STXBP2: variants seen among roughly 807,000 people sequenced by gnomAD.
The protein encoded by STXBP2 is syntaxin binding protein 2.
STXBP2 carries 47 observed loss-of-function variants against 72.2 expected under a neutral mutation model. The observed-to-expected ratio is 0.65, with a 90% CI of 0.51 to 0.83. The LOEUF (loss-of-function observed/expected upper bound fraction) is 0.83, where lower values mean the gene tolerates loss of function less well. Ranked by LOEUF, STXBP2 falls within the 40% of genes least tolerant of loss-of-function variation. The probability of loss-of-function intolerance (pLI) is 0.00; values close to 1 mark genes in which losing one functional copy is unlikely to be tolerated. For missense variants in STXBP2, 702 were observed against 807.6 expected (o/e 0.87, Z 1.58); for synonymous variants, 367 against 338.7 (o/e 1.08, Z -0.92).
intron 4 of STXBP2, 195 bp from the exon 5 acceptor site, chr19:7,640,532 ATGTG>A (rs551642837): frequency 1.0e-4 from 72 of 693,854 alleles, no homozygotes; most frequent in East Asian, 2.5e-4. Context: ...ATGCGTGTGT[ATGTG>A]TGTGTGCGTG....
intron 6 of STXBP2, among the ~76,000 whole-genome samples, chr19:7,641,486 G>A (rs1049343773): frequency 5.3e-5 from 8 of 152,182 alleles, no homozygotes; most frequent in African/African-American, 1.7e-4. Flanking sequence ...AGCGCACCGC[G>A]GGGTTGTCCA....
upstream of STXBP2, chr19:7,632,104 G>A: frequency 1.8e-6 from 1 of 565,412 alleles, no homozygotes; most frequent in East Asian, 2.9e-5. This position sits in a 1 kb window ranked among gnomAD's most constrained non-coding sequence, Gnocchi z 5.2. Context: ...TTCCTCCCTG[G>A]GATACTTTCC....
In STXBP2 at chr19:7,646,358, G is replaced by C; in HGVS notation, c.1452+14G>C. 1 of 1,592,026 alleles carries C rather than the reference G, an allele frequency of 6.3e-7. No homozygotes were observed. Reference sequence around the variant, plus strand: ...GATGTAATGGAGGTACTGGGTGGCAGGTCAGGGTGGGGGCCAGCCCTCCGC... The same window carrying C: ...GATGTAATGGAGGTACTGGGTGGCACGTCAGGGTGGGGGCCAGCCCTCCGC... On this transcript the variant is annotated intron_variant, in intron 16 of 18. Transcript: ENST00000221283.
In STXBP2 at chr19:7,647,578, C is replaced by T; in HGVS notation, c.1696+67C>T. 2.5e-6 allele frequency: 4 copies of T among 1,581,566 alleles called. No homozygotes were observed. In the South Asian group the frequency reaches 3.4e-5, roughly 14 times the overall value. On this transcript the variant is annotated intron_variant, in intron 18 of 18. Coordinates refer to ENST00000221283, the MANE Select transcript of STXBP2 (RefSeq NM_006949.4). ...TTCCCGGGGCCTGGGCTTGTACCTT[C>T]TAGGTGTCTGGACTCCAGAGTCCTT...
Position 7,639,082 on chromosome 19 carries a change from C to T in STXBP2, c.151C>T (p.Leu51=). The change falls in exon 3 of 19, where the codon CTG becomes TTG. Residue 51 remains leucine (L), a synonymous_variant. Coordinates refer to ENST00000221283, the MANE Select transcript of STXBP2 (RefSeq NM_006949.4). ...LSSCCKMSDI[L]AEGITIVEDI... is the part of the protein sequence containing the mutation. ...TTCCTGCTGCAAAATGTCAGATATC[C>T]TGGCTGAGGGCATCACCAGTGAGTG... is the stretch of plus-strand genomic sequence containing the variant. 6.2e-7 allele frequency: 1 copy of T among 1,614,228 alleles called. No individual in the cohort carries two copies. Among genetic ancestry groups the T allele is most frequent in the Non-Finnish European group, 8.5e-7 (1 of 1,180,038 alleles).
chr19:7,644,571 C>G (rs200141357), intron 13 of STXBP2, 43 bp from the exon 14 acceptor site: 23 of 1,606,122 alleles, frequency 1.4e-5, no homozygotes, highest in Non-Finnish European at 2.0e-5. Context: ...ATCCCCTTCC[C>G]TGACACATAG....
intron 4 of STXBP2, 67 bp downstream of exon 4, chr19:7,639,874 CTGCA>C (rs1568464089): frequency 6.6e-6 from 10 of 1,504,022 alleles, no homozygotes; most frequent in Middle Eastern, 1.9e-4. Context: ...GTGTGTATGT[CTGCA>C]TGCATGTGAT....
In STXBP2 at chr19:7,647,496, T is replaced by C. The variant is rs202167383; in HGVS notation, c.1681T>C (p.Trp561Arg). 1.8e-5 allele frequency: 29 copies of C among 1,600,828 alleles called. No individual in the cohort carries two copies. In the South Asian group the frequency reaches 3.1e-4, roughly 17 times the overall value. Residue 561 changes from tryptophan (W) to arginine (R), a missense_variant, in exon 18 of 19, where the codon TGG becomes CGG. By Grantham distance (101) the Trp-to-Arg change is moderately radical. Coordinates refer to ENST00000221283, the MANE Select transcript of STXBP2 (RefSeq NM_006949.4). ...GGTGACCAGGGCCACCGAGGGCAAG[T>C]GGGAGGTGCTCATTGGTAAGTCACC... ...YEVTRATEGKWEVLIGSSHIL... is the reference protein window; with the variant it reads ...YEVTRATEGKREVLIGSSHIL...
upstream of STXBP2, chr19:7,632,682 G>A (rs1220380162): frequency 1.3e-5 from 20 of 1,547,856 alleles, no homozygotes; most frequent in Middle Eastern, 1.7e-4. This position sits in a 1 kb window ranked among gnomAD's most constrained non-coding sequence, Gnocchi z 5.2. Flanking sequence ...CCCCGTTCAC[G>A]CCCCATGGAC....
At chr19:7,645,934 C>A in intron 15 of STXBP2, 1 of 479,406 alleles carries the variant, frequency 2.1e-6, no homozygotes, top group Non-Finnish European at 3.8e-6. Context: ...CTCTCTGTTT[C>A]CTGCTTCATC....
upstream of STXBP2, chr19:7,633,529 C>T (rs2031424275): frequency 2.7e-6 from 4 of 1,475,010 alleles, no homozygotes; most frequent in Admixed American, 6.0e-5. Flanking sequence ...TTTTAAACGT[C>T]CAGGACGTGG....
chr19:7,632,557 G>C (rs1465462660), upstream of STXBP2: 1 of 1,607,314 alleles, frequency 6.2e-7, no homozygotes. This position sits in a 1 kb window ranked among gnomAD's most constrained non-coding sequence, Gnocchi z 5.2. Context: ...CACAGCCGGA[G>C]TGGGGGCCCC....
chr19:7,637,112 G>GACAC lies in STXBP2; in HGVS notation c.-35_-32dup. 1 of 1,234,482 alleles carries GACAC rather than the reference G, an allele frequency of 8.1e-7. No homozygotes were observed. The allele number at this position is 1,234,482 out of a possible 1,614,324, so 76.5% of individuals were successfully genotyped here. ...GCGCGGGGCCACGCCCCCACCTTGG[G>GACAC]ACACACCCGGAAGCGGCGGCGGCGC... is the stretch of plus-strand genomic sequence containing the variant. On this transcript the variant is annotated 5_prime_UTR_variant, in exon 1 of 19. Coordinates refer to ENST00000221283, the MANE Select transcript of STXBP2 (RefSeq NM_006949.4).
At chr19:7,630,555 C>T in the STXBP2 span, 14 of 1,529,570 alleles carry the variant, frequency 9.2e-6, no homozygotes, top group South Asian at 7.2e-5. Flanking sequence ...TCACCTCACC[C>T]ACCCTCTGCC....
In STXBP2 at chr19:7,640,982, C is replaced by T. The variant is rs751879629; in HGVS notation, c.408C>T (p.Ala136=). ...VVKTLKEIHL[A]FLPYEAQVFS... is the part of the protein sequence containing the mutation. Reference sequence around the variant, plus strand: ...AGACGTTGAAGGAGATTCACCTTGCCTTCCTCCCCTACGAGGCCCAGGTAC... The same window carrying T: ...AGACGTTGAAGGAGATTCACCTTGCTTTCCTCCCCTACGAGGCCCAGGTAC... The change falls in exon 6 of 19, where the codon GCC becomes GCT. Residue 136 remains alanine, a synonymous_variant. Transcript: ENST00000221283. The T allele has an allele frequency of 2.5e-6, 4 of 1,614,068 alleles. No individual in the cohort carries two copies. The highest frequency in any genetic ancestry group is 3.4e-6 in the Non-Finnish European group (4 of 1,180,026).
At chr19:7,637,010 G>T (rs372154488), upstream of STXBP2, 208 of 983,502 alleles carry the variant, frequency 2.1e-4, no homozygotes, top group East Asian at 4.9e-3. Context: ...GGGCCTGGGC[G>T]AGAACCGACG....
intron 6 of STXBP2, 83 bp from the exon 7 acceptor site, chr19:7,641,622 A>C (rs2031878873): frequency 1.3e-6 from 2 of 1,535,324 alleles, no homozygotes; most frequent in East Asian, 4.9e-5. Context: ...GGCTCCCAGG[A>C]GGTGCAGGTG....
chr19:7,642,373 C>T lies in STXBP2; in HGVS notation c.794+40C>T. 1 of 1,613,128 alleles carries T rather than the reference C, an allele frequency of 6.2e-7. No homozygotes were observed. The highest frequency in any genetic ancestry group is 8.5e-7 in the Non-Finnish European group (1 of 1,179,106). On this transcript the variant is annotated intron_variant, in intron 9 of 18. Coordinates refer to ENST00000221283, the MANE Select transcript of STXBP2 (RefSeq NM_006949.4). The surrounding 1 kb of genome is among the most constrained non-coding windows in gnomAD (Gnocchi z 6.0). ...AACCCGTCCCCACCCTTGCCACTGA[C>T]CTGGTTCCCCAGTCCTCAGCTCCCC... is the stretch of plus-strand genomic sequence containing the variant.
chr19:7,640,451 T>C (rs975453725), intron 4 of STXBP2: 7 of 663,592 alleles, frequency 1.1e-5, no homozygotes, highest in African/African-American at 5.4e-5. Flanking sequence ...CATGTGTGTA[T>C]GTATGTGTGT....
Sources: gnomAD v4.1 joint callset for allele counts (sites outside exome capture counted in the v4.1 genomes callset) on GRCh38, gnomAD v4.1.1 for gene constraint, Gnocchi (gnomAD v3.1) non-coding constraint, MANE v1.5 for transcripts, NCBI Gene and HGNC (gene_info 2026-07-23, HGNC 2026-07-21) for gene names.